Variants in GUCY1A2 observed in about 807,000 individuals in gnomAD.
GUCY1A2 encodes the protein guanylate cyclase soluble subunit alpha-2.
GUCY1A2 carries 27 observed loss-of-function variants against 63.5 expected under a neutral mutation model. The observed-to-expected ratio is 0.43, with a 90% CI of 0.31 to 0.59. The LOEUF (loss-of-function observed/expected upper bound fraction) is 0.59. Ranked by LOEUF, GUCY1A2 falls within the 20% of genes least tolerant of loss-of-function variation. The pLI, the probability that GUCY1A2 is intolerant of heterozygous loss-of-function variation, is 0.11. For synonymous variants in GUCY1A2, 364 were observed against 343.5 expected, an observed-to-expected ratio of 1.06 and a Z score of -0.66; for missense variants, 768 against 913.3, an observed-to-expected ratio of 0.84 and a Z score of 2.05.
At chr11:106,873,970 T>A (rs921591029) in intron 4 of GUCY1A2, among the ~76,000 whole-genome samples, 1 of 152,218 alleles carries the variant, frequency 6.6e-6, no homozygotes, top group African/African-American at 2.4e-5. Context: ...CTAAGCTTCA[T>A]GTTCAAAGAC....
At position 106,939,785 on chromosome 11, in the gene GUCY1A2, T is replaced by C. The variant is rs1166687899; in HGVS notation, c.881A>G (p.Lys294Arg). 1 of 1,614,006 alleles carries C rather than the reference T, an allele frequency of 6.2e-7. No homozygotes were observed. Among genetic ancestry groups the C allele is most frequent in the Non-Finnish European group, 8.5e-7 (1 of 1,179,864 alleles). ...GNCSCLTFLI[K>R]ECENTNIMKN... ...CATGATATTAGTATTTTCACATTCT[T>C]TGATAAGGAAAGTAAGACAGCTACA... is the stretch of plus-strand genomic sequence containing the variant. Residue 294 changes from lysine to arginine, a missense_variant, in exon 4 of 8, where the codon AAA becomes AGA. Physicochemically the swap from Lys to Arg is conservative, Grantham distance 26. Transcript: ENST00000526355.
chr11:106,680,381 T>A lies in GUCY1A2; in HGVS notation c.*7168A>T, dbSNP rs1369219310. ...TAGCAAAAAGTCCACAGAAGAAGAC[T>A]GAATATAAAGTGATTTCTTCAGTTT... On this transcript the variant is annotated 3_prime_UTR_variant, in exon 8 of 8. Transcript: ENST00000526355. 4.8e-6 allele frequency: 1 copy of A among 209,772 alleles called. No individual in the cohort carries two copies. The highest frequency in any genetic ancestry group is 9.7e-6 in the Non-Finnish European group (1 of 103,194). 13.0% of individuals were successfully genotyped at this position (209,772 alleles called of 1,614,324 possible).
intron 6 of GUCY1A2, among the ~76,000 whole-genome samples, chr11:106,732,463 A>C (rs1284364798): frequency 1.3e-5 from 2 of 152,144 alleles, no homozygotes; most frequent in African/African-American, 4.8e-5. Context: ...CATTTATTGA[A>C]TTTGTTCACT....
In GUCY1A2 at chr11:106,978,622, G is replaced by A. The variant is rs760973332; in HGVS notation, c.484C>T (p.Leu162Phe). The part of the protein sequence containing the change: ...SGILQCTANI[L>F]GLKFEEIQKR... ...TAAATATATATAGTTAATATACCGA[G>A]TATATTAGCAGTACACTGAAGAATT... The change falls in exon 3 of 8, where the codon CTC becomes TTC. Residue 162 changes from leucine to phenylalanine, a missense_variant. By Grantham distance (22) the Leu-to-Phe change is conservative (BLOSUM62 0). Transcript: ENST00000526355. 4.0e-6 allele frequency: 6 copies of A among 1,516,688 alleles called. No homozygotes were observed. The African/African-American group carries it at 4.1e-5, about 10-fold the overall frequency. 94.0% of individuals were successfully genotyped at this position (1,516,688 alleles called of 1,614,324 possible).
intron 4 of GUCY1A2, among the ~76,000 whole-genome samples, chr11:106,864,601 C>T (rs1344875833): frequency 6.6e-6 from 1 of 151,794 alleles, no homozygotes; most frequent in Non-Finnish European, 1.5e-5. Context: ...CCATCAATAC[C>T]TAGTTGAGAG....
chr11:106,720,636 G>C (rs1863300724), intron 6 of GUCY1A2, among the ~76,000 whole-genome samples: 1 of 151,940 alleles, frequency 6.6e-6, no homozygotes, highest in Non-Finnish European at 1.5e-5. Context: ...ACAGAACAAG[G>C]GAAAGTGTTT....
chr11:106,869,844 T>G (rs936351427), intron 4 of GUCY1A2, among the ~76,000 whole-genome samples: 2 of 152,126 alleles, frequency 1.3e-5, no homozygotes, highest in Admixed American at 1.3e-4. Context: ...CAGCAAAGAC[T>G]TGGAACCAAC....
intron 4 of GUCY1A2, among the ~76,000 whole-genome samples, chr11:106,860,289 T>G (rs1204524431): frequency 6.6e-6 from 1 of 150,736 alleles, no homozygotes; most frequent in East Asian, 1.9e-4. Context: ...TTTTTTTTTT[T>G]GCTGTGATGT....
At chr11:106,869,503 A>C (rs1437346034) in intron 4 of GUCY1A2, among the ~76,000 whole-genome samples, 2 of 152,234 alleles carry the variant, frequency 1.3e-5, no homozygotes, top group African/African-American at 4.8e-5. Context: ...AGACACATGA[A>C]AAAATGCTCA....
At chr11:107,016,720 G>A (rs192713779) in intron 1 of GUCY1A2, among the ~76,000 whole-genome samples, 87 of 152,058 alleles carry the variant, frequency 5.7e-4, no homozygotes, top group Middle Eastern at 3.4e-3. Context: ...AGTACAGAGC[G>A]GTTTAAATAG....
chr11:106,827,969 G>C (rs918335739), intron 4 of GUCY1A2: 3 of 879,506 alleles, frequency 3.4e-6, no homozygotes, highest in East Asian at 2.6e-5. Flanking sequence ...AAGCAGCCGC[G>C]AGGCGGTCAC....
At chr11:106,964,970 A>G (rs953227642) in intron 3 of GUCY1A2, among the ~76,000 whole-genome samples, 6 of 152,026 alleles carry the variant, frequency 3.9e-5, no homozygotes, top group Non-Finnish European at 8.8e-5. Context: ...ACAGAGCAAG[A>G]CTCCATCTCA....
At chr11:106,747,846 C>T (rs1863816662) in intron 6 of GUCY1A2, among the ~76,000 whole-genome samples, 1 of 152,138 alleles carries the variant, frequency 6.6e-6, no homozygotes, top group African/African-American at 2.4e-5. Flanking sequence ...CATGAGGGAT[C>T]TGATGGAAAG....
chr11:106,935,433 G>T (rs1860662729), intron 4 of GUCY1A2, among the ~76,000 whole-genome samples: 1 of 152,172 alleles, frequency 6.6e-6, no homozygotes, highest in South Asian at 2.1e-4. Flanking sequence ...AACTACCAGA[G>T]AATTATTTTA....
intron 5 of GUCY1A2, among the ~76,000 whole-genome samples, chr11:106,797,938 G>C (rs1036074910): frequency 6.6e-6 from 1 of 152,124 alleles, no homozygotes; most frequent in Non-Finnish European, 1.5e-5. Flanking sequence ...GAAGGAGATA[G>C]AGACACAAAA....
intron 5 of GUCY1A2, among the ~76,000 whole-genome samples, chr11:106,798,051 A>T (rs1864799105): frequency 6.6e-6 from 1 of 152,192 alleles, no homozygotes; most frequent in African/African-American, 2.4e-5. Context: ...AGAAAGAAGA[A>T]TCAAATAGAC....
intron 3 of GUCY1A2, among the ~76,000 whole-genome samples, chr11:106,969,462 G>A (rs1189658637): frequency 6.6e-6 from 1 of 152,014 alleles, no homozygotes; most frequent in Non-Finnish European, 1.5e-5. Context: ...TCATGAATGG[G>A]AAATAATTCA....
At chr11:106,863,573 G>A (rs562084994) in intron 4 of GUCY1A2, among the ~76,000 whole-genome samples, 3 of 152,190 alleles carry the variant, frequency 2.0e-5, no homozygotes, top group East Asian at 3.9e-4. Context: ...CAGGTAGCAC[G>A]CCTCCAGCTT....
chr11:106,906,486 TTGG>T lies in GUCY1A2; in HGVS notation c.1206+32971_1206+32973del, dbSNP rs368306114. Among the ~76,000 whole-genome samples, 229 of 152,250 alleles carry T rather than the reference TTGG, an allele frequency of 1.5e-3. 5 individuals are homozygous for T. The East Asian group carries it at 0.04, about 27-fold the overall frequency. On this transcript the variant is annotated intron_variant, in intron 4 of 7. Coordinates refer to ENST00000526355, the MANE Select transcript of GUCY1A2 (RefSeq NM_000855.3). ...GAGAAATAGGAACACTTTTACACTG[TTGG>T]TGGGAGTGTAAATTAGTTCAACCAT... is the stretch of plus-strand genomic sequence containing the variant.
Sources: allele counts gnomAD v4.1 joint callset (sites outside exome capture counted in the v4.1 genomes callset), GRCh38; gene constraint gnomAD v4.1.1; transcripts MANE v1.5; gene names NCBI Gene and HGNC (gene_info 2026-07-23, HGNC 2026-07-21).